TCEA1: variants seen among roughly 807,000 people sequenced by gnomAD.
TCEA1 encodes the protein transcription elongation factor A1.
Under a neutral mutation model 43.8 loss-of-function variants are expected in TCEA1, and 21 were observed. The observed-to-expected ratio is 0.48, with a 90% CI of 0.34 to 0.69. The LOEUF is 0.69. Among genes scored for constraint, TCEA1 ranks in the 30% least tolerant of loss-of-function variants. The probability of loss-of-function intolerance (pLI) is 0.01; values close to 1 mark genes in which losing one functional copy is unlikely to be tolerated. For missense variants in TCEA1, 250 were observed against 365.1 expected, an observed-to-expected ratio of 0.68 and a Z score of 2.57; for synonymous variants, 104 against 117.5, an observed-to-expected ratio of 0.88 and a Z score of 0.75.
chr8:53,972,287 T>C, intron 8 of TCEA1: 1 of 433,786 alleles, frequency 2.3e-6, no homozygotes, highest in Admixed American at 2.9e-5. Context: ...ATGATGACAA[T>C]GGAAGTGATG....
intron 2 of TCEA1, among the ~76,000 whole-genome samples, chr8:54,005,128 C>T (rs1215217385): frequency 1.3e-5 from 2 of 152,186 alleles, no homozygotes; most frequent in Admixed American, 1.3e-4. Flanking sequence ...TATATCCCAA[C>T]TCTGTTTTCC....
intron 2 of TCEA1, chr8:54,009,667 T>G (rs1006351765): frequency 6.6e-6 from 1 of 151,976 alleles, no homozygotes; most frequent in Non-Finnish European, 1.5e-5. Flanking sequence ...CTGGGAAGGG[T>G]GCGTAAGTGA....
At position 53,967,333 on chromosome 8, in the gene TCEA1, G is replaced by A. The variant is rs927681136; in HGVS notation, c.*771C>T. On this transcript the variant is annotated 3_prime_UTR_variant, in exon 10 of 10. Transcript: ENST00000521604. Reference sequence around the variant, plus strand: ...GGAAGTTTTCATCTTTGCCTATGAGGGGATTTATGAAAAGCCTTCTAAACT... The same window carrying A: ...GGAAGTTTTCATCTTTGCCTATGAGAGGATTTATGAAAAGCCTTCTAAACT... The A allele has an allele frequency of 1.5e-5, 3 of 200,866 alleles. No individual in the cohort carries two copies. The highest frequency in any genetic ancestry group is 6.9e-5 in the African/African-American group (3 of 43,512). 12.4% of individuals were successfully genotyped at this position (200,866 alleles called of 1,614,324 possible). A position where few individuals can be genotyped will look rare whatever the true frequency, so the allele number is the denominator to read the frequency against.
At chr8:53,994,703 C>T (rs1352347658) in intron 3 of TCEA1, among the ~76,000 whole-genome samples, 2 of 151,528 alleles carry the variant, frequency 1.3e-5, no homozygotes, top group Admixed American at 6.6e-5. Context: ...CCCGTCTCTA[C>T]TAAAAAAAAT....
At chr8:53,991,495 G>C (rs1362569773) in intron 4 of TCEA1, among the ~76,000 whole-genome samples, 1 of 151,862 alleles carries the variant, frequency 6.6e-6, no homozygotes, top group South Asian at 2.1e-4. Flanking sequence ...AGGAGTTCAA[G>C]ACCAGCCTGA....
chr8:53,983,936 C>A (rs527325460), intron 7 of TCEA1, among the ~76,000 whole-genome samples: 1 of 152,128 alleles, frequency 6.6e-6, no homozygotes, highest in Non-Finnish European at 1.5e-5. Flanking sequence ...CCTGTCTCTA[C>A]TAAAAATACA....
In TCEA1 at chr8:53,991,470, G is replaced by C. The variant is rs192314282; in HGVS notation, c.320+2198C>G. Among the ~76,000 whole-genome samples the C allele has an allele frequency of 6.6e-3, 996 of 151,700 alleles. 24 individuals are homozygous for C. The highest frequency in any genetic ancestry group is 0.019 in the African/African-American group (795 of 41,266). Reference sequence around the variant, plus strand: ...AGCACTTTGGGAGGCCAAGGCGGGCGGATCACCTGAGGTCAGGAGTTCAAG... The same window carrying C: ...AGCACTTTGGGAGGCCAAGGCGGGCCGATCACCTGAGGTCAGGAGTTCAAG... On this transcript the variant is annotated intron_variant, in intron 4 of 9. Transcript: ENST00000521604.
intron 2 of TCEA1, among the ~76,000 whole-genome samples, chr8:54,005,423 C>A (rs1804408218): frequency 6.6e-6 from 1 of 152,130 alleles, no homozygotes; most frequent in Non-Finnish European, 1.5e-5. Context: ...AACTACCTAC[C>A]AGATACCTGC....
intron 2 of TCEA1, chr8:54,002,984 A>T (rs747455211): frequency 2.2e-6 from 1 of 456,286 alleles, no homozygotes; most frequent in South Asian, 1.5e-5. Flanking sequence ...ATCAAGAGAC[A>T]CTGTTAACAT....
In TCEA1 at chr8:53,984,468, T is replaced by G. The variant is rs1289953696; in HGVS notation, c.573A>C (p.Val191=). 7 of 1,601,194 alleles carry G rather than the reference T, an allele frequency of 4.4e-6. No homozygotes were observed. The African/African-American group carries it at 9.4e-5, about 21-fold the overall frequency. Residue 191 remains valine (V), a synonymous_variant, in exon 7 of 10, where the codon GTA becomes GTC. Coordinates refer to ENST00000521604, the MANE Select transcript of TCEA1 (RefSeq NM_006756.4). ...RNTDMKYKNR[V]RSRISNLKDA... is the part of the protein sequence containing the mutation. ...CTTTAAGATTTGATATCCTACTTCG[T>G]ACTCTATTTTTGTATTTCATGTCTG...
At chr8:54,013,847 T>C (rs948331082) in intron 1 of TCEA1, among the ~76,000 whole-genome samples, 7 of 152,206 alleles carry the variant, frequency 4.6e-5, no homozygotes, top group African/African-American at 1.2e-4. Context: ...ATAGATTTAA[T>C]TCCACCTTCA....
At chr8:53,977,727 TG>T (rs1803375774) in intron 8 of TCEA1, among the ~76,000 whole-genome samples, 4 of 151,972 alleles carry the variant, frequency 2.6e-5, no homozygotes, top group African/African-American at 9.7e-5. Context: ...TTTTCACATA[TG>T]CACATGCAAC....
chr8:54,021,631 G>A (rs1805035920), intron 1 of TCEA1: 1 of 158,782 alleles, frequency 6.3e-6, no homozygotes, highest in Non-Finnish European at 1.4e-5. Context: ...CCAGCCCGAT[G>A]TCTAATACCG....
In TCEA1 at chr8:53,993,714, C is replaced by CT. The variant is rs1803958462; in HGVS notation, c.273dup (p.Glu92ArgfsTer11). On this transcript the variant is annotated frameshift_variant, in exon 4 of 10. Coordinates refer to ENST00000521604, the MANE Select transcript of TCEA1 (RefSeq NM_006756.4). LOFTEE classifies it high-confidence loss of function. Reference sequence around the variant, plus strand: ...CTGTTCTGCGATGTAATTGCAGGTTCTTTCTTCTTTTCGTCAAGGTCTTTC... The same window carrying CT: ...CTGTTCTGCGATGTAATTGCAGGTTCTTTTCTTCTTTTCGTCAAGGTCTTTC... 1 of 1,613,636 alleles carries CT rather than the reference C, an allele frequency of 6.2e-7. No individual in the cohort carries two copies. The highest frequency in any genetic ancestry group is 1.7e-5 in the Admixed American group (1 of 59,946).
At position 53,967,173 on chromosome 8, in the gene TCEA1, C is replaced by T. The variant is rs1803010852; in HGVS notation, c.*931G>A. The stretch of plus-strand genomic sequence containing the variant: ...CACAGCTTTAATGAATTATACAATC[C>T]TTAAGATTAATCCTTGGTCAGTATA... On this transcript the variant is annotated 3_prime_UTR_variant, in exon 10 of 10. Coordinates refer to ENST00000521604, the MANE Select transcript of TCEA1 (RefSeq NM_006756.4). 4.8e-6 allele frequency: 1 copy of T among 206,890 alleles called. No individual in the cohort carries two copies. Among genetic ancestry groups the T allele is most frequent in the Non-Finnish European group, 9.9e-6 (1 of 101,144 alleles). The allele number at this position is 206,890 out of a possible 1,614,324, so 12.8% of individuals were successfully genotyped here.
chr8:54,006,662 T>C (rs1804472781), intron 2 of TCEA1, among the ~76,000 whole-genome samples: 3 of 152,178 alleles, frequency 2.0e-5, no homozygotes, highest in African/African-American at 7.2e-5. Context: ...CCCACACAGG[T>C]CTGTCGGGAT....
At chr8:54,015,224 C>T (rs750601044) in intron 1 of TCEA1, among the ~76,000 whole-genome samples, 1 of 151,482 alleles carries the variant, frequency 6.6e-6, no homozygotes, top group East Asian at 1.9e-4. Context: ...GGCTGGAGTG[C>T]AGTGGCGTGA....
chr8:54,003,416 C>A (rs1804336283), intron 2 of TCEA1, among the ~76,000 whole-genome samples: 1 of 152,094 alleles, frequency 6.6e-6, no homozygotes, highest in Non-Finnish European at 1.5e-5. Context: ...CCAAAACAAT[C>A]TTGAAAAAGA....
chr8:53,997,080 G>A (rs1804081677), intron 3 of TCEA1, among the ~76,000 whole-genome samples: 1 of 151,666 alleles, frequency 6.6e-6, no homozygotes, highest in Admixed American at 6.6e-5. Flanking sequence ...TAATTTTTTT[G>A]TATTTTTTTA....
Sources: gnomAD v4.1 joint callset for allele counts (sites outside exome capture counted in the v4.1 genomes callset) on GRCh38, gnomAD v4.1.1 for gene constraint, MANE v1.5 for transcripts, NCBI Gene and HGNC (gene_info 2026-07-23, HGNC 2026-07-21) for gene names.